Variants in PRIM2 observed in about 807,000 individuals in gnomAD.
PRIM2 encodes DNA primase subunit 2, also known as DNA primase large subunit.
PRIM2 carries 39 observed loss-of-function variants against 67.3 expected under a neutral mutation model. That is an observed-to-expected ratio of 0.58 (90% CI 0.45 to 0.76). PRIM2 has a LOEUF of 0.76. PRIM2 is among the 30% of genes least tolerant of loss of function. PRIM2 has a pLI of 0.00. For missense variants in PRIM2, 398 were observed against 598.7 expected, an observed-to-expected ratio of 0.66 and a Z score of 3.50; for synonymous variants, 143 against 198.7, an observed-to-expected ratio of 0.72 and a Z score of 2.36.
At chr6:57,378,670 A>G (rs1769854395) in intron 5 of PRIM2, among the ~76,000 whole-genome samples, 1 of 152,078 alleles carries the variant, frequency 6.6e-6, no homozygotes, top group East Asian at 1.9e-4. Flanking sequence ...ACCGCCTTAA[A>G]ACAAGTTCAA....
intron 8 of PRIM2, among the ~76,000 whole-genome samples, chr6:57,531,963 G>A (rs1450502361): frequency 2.6e-5 from 4 of 152,118 alleles, no homozygotes; most frequent in African/African-American, 4.8e-5. Context: ...ACACTGCAAA[G>A]CAGGCATTAT....
intron 5 of PRIM2, among the ~76,000 whole-genome samples, chr6:57,334,288 A>G (rs751603436): frequency 7.9e-5 from 12 of 151,886 alleles, no homozygotes; most frequent in African/African-American, 1.9e-4. Context: ...TATATATTGC[A>G]TTTAAAAAAA....
chr6:57,488,644 A>T (rs1335160508), intron 7 of PRIM2, among the ~76,000 whole-genome samples: 3 of 152,190 alleles, frequency 2.0e-5, no homozygotes, highest in Admixed American at 6.5e-5. Flanking sequence ...TACTGTCAGG[A>T]GCAGCAGTCC....
the PRIM2 span, among the ~76,000 whole-genome samples, chr6:57,241,183 C>T: frequency 7.0e-6 from 1 of 143,624 alleles, no homozygotes; most frequent in African/African-American, 2.6e-5. Flanking sequence ...GAGATTGCGC[C>T]AGTGCACTCC....
At chr6:57,403,057 C>CA (rs1452533378) in intron 7 of PRIM2, among the ~76,000 whole-genome samples, 1 of 151,830 alleles carries the variant, frequency 6.6e-6, no homozygotes, top group African/African-American at 2.4e-5. Context: ...TTTAGAAAAA[C>CA]AAAGCTATTG....
chr6:57,562,152 G>A (rs1475463756), intron 10 of PRIM2, among the ~76,000 whole-genome samples: 109,189 of 151,864 alleles, frequency 0.72, 39,890 homozygotes, highest in African/African-American at 0.85. Context: ...AAAGATCACT[G>A]ATCACAGATC....
At chr6:57,440,000 C>T (rs932703863) in intron 7 of PRIM2, among the ~76,000 whole-genome samples, 7 of 151,446 alleles carry the variant, frequency 4.6e-5, no homozygotes, top group South Asian at 2.1e-4. Flanking sequence ...TATTTGTTCG[C>T]GTTTTTCTGT....
At chr6:57,638,482 C>T (rs1342138564) in intron 13 of PRIM2, among the ~76,000 whole-genome samples, 6 of 144,838 alleles carry the variant, frequency 4.1e-5, no homozygotes, top group Admixed American at 1.4e-4. Context: ...CAAGACCCAT[C>T]GGTGTGCTGT....
the PRIM2 span, among the ~76,000 whole-genome samples, chr6:57,236,337 C>CATTATTATT: frequency 2.0e-5 from 3 of 150,362 alleles, no homozygotes; most frequent in Non-Finnish European, 4.4e-5. Context: ...CTTCCCAATT[C>CATTATTATT]ATTATTATTA....
chr6:57,417,187 G>A (rs568188529), intron 7 of PRIM2, among the ~76,000 whole-genome samples: 28 of 151,962 alleles, frequency 1.8e-4, no homozygotes, highest in African/African-American at 6.0e-4. Flanking sequence ...GGCTAGCCTC[G>A]AACTCCTGAC....
chr6:57,301,374 C>A, the PRIM2 span, among the ~76,000 whole-genome samples: 1 of 152,112 alleles, frequency 6.6e-6, no homozygotes, highest in Non-Finnish European at 1.5e-5. Context: ...GTAATCCCAG[C>A]TACTCGGTAG....
At chr6:57,440,520 C>G (rs1280461161) in intron 7 of PRIM2, among the ~76,000 whole-genome samples, 1 of 152,148 alleles carries the variant, frequency 6.6e-6, no homozygotes, top group Non-Finnish European at 1.5e-5. Flanking sequence ...CTCTAATTTC[C>G]TCTTTTGAGA....
At chr6:57,399,798 TGAG>T (rs1389924906) in intron 7 of PRIM2, among the ~76,000 whole-genome samples, 2 of 152,098 alleles carry the variant, frequency 1.3e-5, no homozygotes, top group East Asian at 3.9e-4. Flanking sequence ...CCAGTGATGA[TGAG>T]CATTTTTTCA....
At chr6:57,629,338 T>G (rs1307736499) in intron 12 of PRIM2, among the ~76,000 whole-genome samples, 37 of 152,308 alleles carry the variant, frequency 2.4e-4, no homozygotes, top group African/African-American at 8.2e-4. Context: ...AATCATATTG[T>G]TTAGTGGCTA....
chr6:57,361,424 G>A (rs1769195789), intron 5 of PRIM2, among the ~76,000 whole-genome samples: 1 of 151,582 alleles, frequency 6.6e-6, no homozygotes, highest in African/African-American at 2.4e-5. Flanking sequence ...AGGAAGCTTG[G>A]TGGACCTTGA....
rs1767547344 is a variant in PRIM2 at position 57,318,471 on chromosome 6, G to A, written c.26G>A (p.Arg9Lys). 1 of 1,611,396 alleles carries A rather than the reference G, an allele frequency of 6.2e-7. No individual in the cohort carries two copies. Among genetic ancestry groups the A allele is most frequent in the African/African-American group, 1.3e-5 (1 of 74,888 alleles). Reference protein sequence around the residue: MEFSGRKWRKLRLAGDQRN... With the variant: MEFSGRKWKKLRLAGDQRN... ...ATGGAGTTTTCTGGAAGAAAGTGGA[G>A]GAAGCTGAGGTTGGCAGGTGACCAG... The change falls in exon 2 of 14, where the codon AGG becomes AAG. Residue 9 changes from arginine to lysine, a missense_variant. By Grantham distance (26) the Arg-to-Lys change is conservative. Transcript: ENST00000615550.
At chr6:57,601,652 A>G (rs1173170205) in intron 11 of PRIM2, among the ~76,000 whole-genome samples, 1 of 152,162 alleles carries the variant, frequency 6.6e-6, no homozygotes, top group Non-Finnish European at 1.5e-5. Flanking sequence ...TCTTATCACC[A>G]TCATCTGATT....
chr6:57,422,353 T>G (rs1346292074), intron 7 of PRIM2, among the ~76,000 whole-genome samples: 1 of 151,916 alleles, frequency 6.6e-6, no homozygotes, highest in Non-Finnish European at 1.5e-5. Context: ...GCCGGGCTGG[T>G]CTTGAACTCC....
At chr6:57,598,028 C>T (rs1219363351) in intron 10 of PRIM2, among the ~76,000 whole-genome samples, 1 of 152,144 alleles carries the variant, frequency 6.6e-6, no homozygotes, top group Non-Finnish European at 1.5e-5. Flanking sequence ...GGAGTAAAAA[C>T]TATAAGCTCT....
Sources: gnomAD v4.1 joint callset for allele counts (sites outside exome capture counted in the v4.1 genomes callset) on GRCh38, gnomAD v4.1.1 for gene constraint, MANE v1.5 for transcripts, NCBI Gene and HGNC (gene_info 2026-07-23, HGNC 2026-07-21) for gene names.